The following SEZ6L2 variants were observed in gnomAD, a reference collection of about 807,000 sequenced individuals.
SEZ6L2 encodes the protein seizure related 6 homolog like 2.
Under a neutral mutation model 97.0 loss-of-function variants are expected in SEZ6L2, and 44 were observed. That is an observed-to-expected ratio of 0.45 (90% CI 0.36 to 0.58). The LOEUF is 0.58. Ranked by LOEUF, SEZ6L2 falls within the 20% of genes least tolerant of loss-of-function variation. The pLI is 0.00. For missense variants in SEZ6L2, 1,086 were observed against 1,233.3 expected (o/e 0.88, Z 1.79); for synonymous variants, 543 against 546.1 (o/e 0.99, Z 0.08).
chr16:29,898,165 C>T (rs1357804920), intron 1 of SEZ6L2, among the ~76,000 whole-genome samples, 181 bp from the exon 2 acceptor site: 2 of 152,192 alleles, frequency 1.3e-5, no homozygotes, highest in South Asian at 2.1e-4. Flanking sequence ...CATACTCCCA[C>T]TCCCACACCT....
intron 8 of SEZ6L2, among the ~76,000 whole-genome samples, chr16:29,880,971 A>G (rs1323139268): frequency 1.4e-5 from 2 of 143,900 alleles, no homozygotes; most frequent in African/African-American, 2.6e-5. Flanking sequence ...ATGGAGTTTC[A>G]CCATGTTACT....
At position 29,877,320 on chromosome 16, in the gene SEZ6L2, G is replaced by A. The variant is rs908025433; in HGVS notation, c.1860C>T (p.Pro620=). 3.7e-6 allele frequency: 6 copies of A among 1,612,124 alleles called. No individual in the cohort carries two copies. The African/African-American group carries it at 4.0e-5, about 11-fold the overall frequency. ...PDLTLQFQAP[P]GPPNPGLGQG... is the part of the protein sequence containing the mutation. Reference sequence around the variant, plus strand: ...GGCCCAGGCCTGGATTTGGGGGCCCGGGCGGTGCCTGAAACTGCAGTGTGA... The same window carrying A: ...GGCCCAGGCCTGGATTTGGGGGCCCAGGCGGTGCCTGAAACTGCAGTGTGA... Residue 620 remains proline, a synonymous_variant, in exon 11 of 18, where the codon CCC becomes CCT. Coordinates refer to ENST00000617533, the MANE Select transcript of SEZ6L2 (RefSeq NM_001243332.2).
At chr16:29,894,993 C>G (rs763612111) in intron 5 of SEZ6L2, among the ~76,000 whole-genome samples, 16 of 151,900 alleles carry the variant, frequency 1.1e-4, no homozygotes, top group South Asian at 6.2e-4. Context: ...TCCTGGCTAA[C>G]GCGGTGAAAT....
intron 16 of SEZ6L2, 25 bp from the exon 17 acceptor site, chr16:29,872,308 G>A: frequency 6.2e-7 from 1 of 1,604,316 alleles, no homozygotes; most frequent in Non-Finnish European, 8.5e-7. Flanking sequence ...GGACAGAGGA[G>A]CTTATCAACA....
chr16:29,871,246 A>G lies in SEZ6L2; in HGVS notation c.*453T>C, dbSNP rs1440448920. ...ACTGTGGGTTGGGGAGATGGCAGGA[A>G]GGGGGCAAGGCCTTGTCCCAGCTCT... On this transcript the variant is annotated 3_prime_UTR_variant, in exon 18 of 18. Coordinates refer to ENST00000617533, the MANE Select transcript of SEZ6L2 (RefSeq NM_001243332.2). 1.5e-5 allele frequency: 3 copies of G among 203,932 alleles called. No individual in the cohort carries two copies. In the East Asian group the frequency reaches 3.1e-4, roughly 21 times the overall value. The allele number at this position is 203,932 out of a possible 1,614,324, so 12.6% of individuals were successfully genotyped here. A position where few individuals can be genotyped will look rare whatever the true frequency, so the allele number is the denominator to read the frequency against.
At chr16:29,879,841 T>G (rs1181318076) in intron 9 of SEZ6L2, 23 bp downstream of exon 9, 2 of 1,568,880 alleles carry the variant, frequency 1.3e-6, no homozygotes, top group Non-Finnish European at 1.7e-6. Context: ...CTGAAGGACA[T>G]GCCTGCGACA....
chr16:29,879,950 G>A lies in SEZ6L2; in HGVS notation c.1487C>T (p.Ala496Val). 5.0e-6 allele frequency: 8 copies of A among 1,614,176 alleles called. No individual in the cohort carries two copies. Among genetic ancestry groups the A allele is most frequent in the Admixed American group, 1.7e-5 (1 of 60,022 alleles). The change falls in exon 9 of 18, where the codon GCC becomes GTC. Residue 496 changes from alanine to valine, a missense_variant. Ala to Val is a moderately conservative substitution (Grantham distance 64). This residue lies in a region of SEZ6L2 where 776 missense variants were observed against 794.7 expected (regional missense o/e 0.98). Coordinates refer to ENST00000617533, the MANE Select transcript of SEZ6L2 (RefSeq NM_001243332.2). ...ATTGGGGGGCCCAGGGGGCTCCAGG[G>A]CATATCCTGGGAGGCACGAGAAGGT... ...LATFSCLPGYALEPPGPPNAI... is the reference protein window; with the variant it reads ...LATFSCLPGYVLEPPGPPNAI...
chr16:29,880,478 C>A (rs1430715960), intron 8 of SEZ6L2, among the ~76,000 whole-genome samples: 1 of 152,130 alleles, frequency 6.6e-6, no homozygotes, highest in Non-Finnish European at 1.5e-5. Flanking sequence ...TGCTACTACG[C>A]CTGGCTAATT....
chr16:29,876,871 GA>G lies in SEZ6L2; in HGVS notation c.1988del (p.Ile663ThrfsTer17). 1.9e-6 allele frequency: 3 copies of G among 1,613,634 alleles called. No individual in the cohort carries two copies. Among genetic ancestry groups the G allele is most frequent in the Non-Finnish European group, 2.5e-6 (3 of 1,179,840 alleles). ...ACTGGTAGGTGAGCACCGTGCCCCGGATCAGGTCCCCGTGGGATGCCGTTCT... is the reference window on the plus strand; with the variant it reads ...ACTGGTAGGTGAGCACCGTGCCCCGGTCAGGTCCCCGTGGGATGCCGTTCT... Reference protein sequence around the residue: ...GWRTASHGDLIRGTVLTYQCE... With the variant: ...GWRTASHGDLXRGTVLTYQCE... On this transcript the variant is annotated frameshift_variant, in exon 12 of 18. Transcript: ENST00000617533. LOFTEE classifies it high-confidence loss of function. The surrounding 1 kb of genome is among the most constrained non-coding windows in gnomAD (Gnocchi z 6.5).
chr16:29,885,818 TC>T (rs1467078344), intron 7 of SEZ6L2, 69 bp from the exon 8 acceptor site: 2 of 1,489,260 alleles, frequency 1.3e-6, no homozygotes, highest in Non-Finnish European at 1.8e-6. Context: ...TTGCCTGCTT[TC>T]CTAACTTATT....
intron 5 of SEZ6L2, among the ~76,000 whole-genome samples, chr16:29,893,180 CG>C (rs1466532014): frequency 6.6e-6 from 1 of 151,346 alleles, no homozygotes; most frequent in Non-Finnish European, 1.5e-5. Flanking sequence ...CAAAGTTAGC[CG>C]GGAGTGGTGG....
intron 1 of SEZ6L2, among the ~76,000 whole-genome samples, chr16:29,898,423 T>TTTTCTC (rs1555511364): frequency 8.7e-4 from 128 of 146,810 alleles, no homozygotes; most frequent in African/African-American, 2.7e-3. Flanking sequence ...TGGCTGTCTT[T>TTTTCTC]TCTCTCTCTC....
chr16:29,877,044 CTG>C, intron 11 of SEZ6L2, 94 bp from the exon 12 acceptor site: 3 of 1,302,120 alleles, frequency 2.3e-6, no homozygotes, highest in Non-Finnish European at 2.1e-6. Flanking sequence ...CTCCCGGGAT[CTG>C]TCTCTCTCTC....
chr16:29,894,046 A>T (rs137879882), intron 5 of SEZ6L2, among the ~76,000 whole-genome samples: 7,573 of 152,004 alleles, frequency 0.05, 634 homozygotes, highest in African/African-American at 0.17. Flanking sequence ...AATTTTTGTA[A>T]TTTTAGTAGA....
In SEZ6L2 at chr16:29,896,802, T is replaced by C; in HGVS notation, c.511+20A>G. The C allele has an allele frequency of 1.2e-6, 2 of 1,609,140 alleles. No homozygotes were observed. The highest frequency in any genetic ancestry group is 1.7e-6 in the Non-Finnish European group (2 of 1,176,862). ...TACCTCTCCGGTCCTCCCACCCCCA[T>C]CCCCTTGCTGTCGCCTCACCTGGGC... On this transcript the variant is annotated intron_variant, in intron 3 of 17. Transcript: ENST00000617533.
intron 5 of SEZ6L2, among the ~76,000 whole-genome samples, chr16:29,892,280 G>A (rs1279144172): frequency 3.9e-5 from 6 of 152,340 alleles, no homozygotes; most frequent in South Asian, 2.1e-4. Flanking sequence ...GTGCAGCTGC[G>A]AAGCAGGGAA....
At position 29,873,397 on chromosome 16, in the gene SEZ6L2, G is replaced by A. The variant is rs111427432; in HGVS notation, c.2331C>T (p.Pro777=). 26 of 1,614,098 alleles carry A rather than the reference G, an allele frequency of 1.6e-5. No homozygotes were observed. The African/African-American group carries it at 2.4e-4, about 15-fold the overall frequency. Residue 777 remains proline (P), a synonymous_variant, in exon 14 of 18, where the codon CCC becomes CCT. Coordinates refer to ENST00000617533, the MANE Select transcript of SEZ6L2 (RefSeq NM_001243332.2). This position sits in a 1 kb window ranked among gnomAD's most constrained non-coding sequence, Gnocchi z 4.3. Reference sequence around the variant, plus strand: ...TGTACAGCGTCTGGTAGCCATTCTCGGGAACCCCCGGGTTCAGGCACGGCT... The same window carrying A: ...TGTACAGCGTCTGGTAGCCATTCTCAGGAACCCCCGGGTTCAGGCACGGCT... The part of the protein sequence containing the change: ...KYEPCLNPGV[P]ENGYQTLYKH...
At position 29,876,749 on chromosome 16, in the gene SEZ6L2, G is replaced by T; in HGVS notation, c.2104+7C>A. 2.0e-6 allele frequency: 3 copies of T among 1,532,516 alleles called. No homozygotes were observed. The highest frequency in any genetic ancestry group is 1.8e-6 in the Non-Finnish European group (2 of 1,135,646). The allele number at this position is 1,532,516 out of a possible 1,614,324, so 94.9% of individuals were successfully genotyped here. ...GGGCCGAGGGGACGCGGGCGGGGCC[G>T]GCTCACTCTTTTGGCAGGCGGGCGG... On this transcript the variant is annotated splice_region_variant and intron_variant, in intron 12 of 17. Coordinates refer to ENST00000617533, the MANE Select transcript of SEZ6L2 (RefSeq NM_001243332.2). This position sits in a 1 kb window ranked among gnomAD's most constrained non-coding sequence, Gnocchi z 6.5.
intron 8 of SEZ6L2, among the ~76,000 whole-genome samples, chr16:29,883,693 A>C (rs2068073315): frequency 6.6e-6 from 1 of 152,058 alleles, no homozygotes; most frequent in Admixed American, 6.6e-5. Flanking sequence ...GCACTTTGAG[A>C]GGCCGAGGTG....
Sources: allele counts gnomAD v4.1 joint callset (sites outside exome capture counted in the v4.1 genomes callset), GRCh38; gene constraint gnomAD v4.1.1; regional missense constraint gnomAD v4.1.1; non-coding constraint Gnocchi (gnomAD v3.1); transcripts MANE v1.5; gene names NCBI Gene and HGNC (gene_info 2026-07-23, HGNC 2026-07-21).